SRGAP3: variants seen among roughly 807,000 people sequenced by gnomAD.
SRGAP3 encodes SLIT-ROBO Rho GTPase activating protein 3.
SRGAP3 carries 39 observed loss-of-function variants against 121.1 expected under a neutral mutation model. The ratio of observed to expected loss-of-function variants is 0.32; its 90% CI spans 0.25 to 0.42. The LOEUF (loss-of-function observed/expected upper bound fraction) is 0.42, where lower values mean the gene tolerates loss of function less well. Ranked by LOEUF, SRGAP3 falls within the 10% of genes least tolerant of loss-of-function variation. The probability of loss-of-function intolerance (pLI) is 1.00; values close to 1 mark genes in which losing one functional copy is unlikely to be tolerated. For missense variants in SRGAP3, 1,213 were observed against 1,470.6 expected, an observed-to-expected ratio of 0.82 and a Z score of 2.86; for synonymous variants, 601 against 570.0, an observed-to-expected ratio of 1.05 and a Z score of -0.77.
intron 3 of SRGAP3, among the ~76,000 whole-genome samples, chr3:9,318,204 C>T (rs1049823343): frequency 6.6e-6 from 1 of 151,850 alleles, no homozygotes; most frequent in South Asian, 2.1e-4. Context: ...CAGACAATTT[C>T]ATCACCTTGT....
intron 1 of SRGAP3, among the ~76,000 whole-genome samples, chr3:9,201,763 T>C (rs181406881): frequency 3.3e-5 from 5 of 152,354 alleles, no homozygotes; most frequent in African/African-American, 1.2e-4. Flanking sequence ...TTACAGAGAC[T>C]TGAGTGCTAC....
intron 9 of SRGAP3, chr3:9,049,592 C>G (rs1256507146): frequency 4.6e-6 from 2 of 432,126 alleles, no homozygotes; most frequent in East Asian, 1.4e-4. Context: ...CTCAGTGTTT[C>G]TCCAAGTGTG....
At chr3:8,993,273 CCCACA>C (rs1364792245) in intron 19 of SRGAP3, among the ~76,000 whole-genome samples, 1 of 152,248 alleles carries the variant, frequency 6.6e-6, no homozygotes, top group African/African-American at 2.4e-5. Context: ...CCTCTTCTGT[CCCACA>C]CCTACCTCCT....
chr3:9,293,931 T>C (rs1342482150), intron 3 of SRGAP3, among the ~76,000 whole-genome samples: 3 of 152,122 alleles, frequency 2.0e-5, no homozygotes, highest in Non-Finnish European at 4.4e-5. Context: ...TAGCAATTCC[T>C]CAAAGACCTA....
At chr3:9,304,673 T>C (rs1395226983) in intron 3 of SRGAP3, among the ~76,000 whole-genome samples, 1 of 151,982 alleles carries the variant, frequency 6.6e-6, no homozygotes, top group African/African-American at 2.4e-5. Flanking sequence ...TTTGGGCTTC[T>C]CCCCCTCCGC....
intron 18 of SRGAP3, among the ~76,000 whole-genome samples, chr3:9,009,428 T>G (rs1943246986): frequency 1.3e-5 from 2 of 152,206 alleles, no homozygotes; most frequent in Admixed American, 6.5e-5. Context: ...CATGGGTCCC[T>G]TCCTCCATTC....
intron 1 of SRGAP3, among the ~76,000 whole-genome samples, chr3:9,331,770 A>G (rs1955611425): frequency 6.6e-6 from 1 of 152,154 alleles, no homozygotes; most frequent in African/African-American, 2.4e-5. Context: ...GGTGTAAACA[A>G]GCCTAAAATG....
intron 3 of SRGAP3, among the ~76,000 whole-genome samples, chr3:9,304,047 C>T (rs182769040): frequency 6.6e-6 from 1 of 152,302 alleles, no homozygotes; most frequent in East Asian, 1.9e-4. Context: ...AGACGTTTCA[C>T]AAACAATTCT....
chr3:9,058,217 C>T, intron 7 of SRGAP3, 34 bp downstream of exon 7: 1 of 1,603,920 alleles, frequency 6.2e-7, no homozygotes, highest in African/African-American at 1.3e-5. Flanking sequence ...CAGAGGGAAG[C>T]AGCCCCAAGC....
chr3:9,143,723 T>C (rs1046716202), intron 1 of SRGAP3, among the ~76,000 whole-genome samples: 3 of 152,130 alleles, frequency 2.0e-5, no homozygotes, highest in Non-Finnish European at 2.9e-5. Context: ...GTGTACATGA[T>C]GGCAGGCTTC....
intron 1 of SRGAP3, among the ~76,000 whole-genome samples, chr3:9,184,230 T>C (rs1575203722): frequency 2.6e-5 from 4 of 152,284 alleles, no homozygotes; most frequent in African/African-American, 2.4e-5. Context: ...GGAAGGAGCA[T>C]GGTGCTGCCC....
intron 1 of SRGAP3, among the ~76,000 whole-genome samples, chr3:9,242,170 A>C (rs1953669150): frequency 6.6e-6 from 1 of 152,006 alleles, no homozygotes; most frequent in African/African-American, 2.4e-5. Flanking sequence ...AGATGAGCAC[A>C]TGGCTAAAGG....
chr3:9,351,566 A>G (rs912120650), intron 1 of SRGAP3, among the ~76,000 whole-genome samples: 1 of 152,222 alleles, frequency 6.6e-6, no homozygotes, highest in African/African-American at 2.4e-5. Context: ...GGGAAGAAGA[A>G]GAGCCTGGAA....
chr3:9,182,200 A>AAAAAAAAAAAAC (rs1491306717), intron 1 of SRGAP3, among the ~76,000 whole-genome samples: 5 of 146,304 alleles, frequency 3.4e-5, no homozygotes, highest in Non-Finnish European at 6.1e-5. Context: ...AAAAAAAAAA[A>AAAAAAAAAAAAC]ACACAAAAAA....
chr3:9,056,368 C>T, intron 7 of SRGAP3, 34 bp from the exon 8 acceptor site: 1 of 1,604,146 alleles, frequency 6.2e-7, no homozygotes, highest in Non-Finnish European at 8.5e-7. Flanking sequence ...TGTGGTTGCC[C>T]TGTGCCCTCC....
intron 3 of SRGAP3, among the ~76,000 whole-genome samples, chr3:9,275,906 AAT>A (rs1261599862): frequency 4.6e-5 from 7 of 152,176 alleles, no homozygotes; most frequent in African/African-American, 1.7e-4. Flanking sequence ...CTGCTAAAAA[AAT>A]AAGTTTCTCA....
At chr3:9,354,287 G>A (rs937326014) in intron 1 of SRGAP3, among the ~76,000 whole-genome samples, 1 of 152,186 alleles carries the variant, frequency 6.6e-6, no homozygotes, top group East Asian at 1.9e-4. Context: ...AGCAGAAGTG[G>A]CTAACAGTCC....
intron 4 of SRGAP3, among the ~76,000 whole-genome samples, chr3:9,069,923 G>C (rs543594939): frequency 2.0e-5 from 3 of 152,104 alleles, no homozygotes; most frequent in Non-Finnish European, 4.4e-5. Context: ...CTCCAGCCTG[G>C]GCGACAGAGC....
chr3:9,325,406 T>C (rs1955502021), intron 3 of SRGAP3, among the ~76,000 whole-genome samples: 1 of 152,058 alleles, frequency 6.6e-6, no homozygotes, highest in Middle Eastern at 3.4e-3. Flanking sequence ...CTACATTTGA[T>C]GTATTTCTCC....
Sources: gnomAD v4.1 joint callset for allele counts (sites outside exome capture counted in the v4.1 genomes callset) on GRCh38, gnomAD v4.1.1 for gene constraint, MANE v1.5 for transcripts, NCBI Gene and HGNC (gene_info 2026-07-23, HGNC 2026-07-21) for gene names.